SCAPER: variants seen among roughly 807,000 people sequenced by gnomAD.
SCAPER encodes the protein S phase cyclin A-associated protein in the endoplasmic reticulum.
Under a neutral mutation model 182.2 loss-of-function variants are expected in SCAPER, and 98 were observed. The ratio of observed to expected loss-of-function variants is 0.54; its 90% CI spans 0.46 to 0.64. SCAPER has a LOEUF of 0.64. Ranked by LOEUF, SCAPER falls within the 30% of genes least tolerant of loss-of-function variation. SCAPER has a pLI of 0.00. For missense variants in SCAPER, 1,432 were observed against 1,690.0 expected (o/e 0.85, Z 2.68); for synonymous variants, 605 against 564.6 (o/e 1.07, Z -1.01).
At chr15:76,691,009 A>T (rs2058325088) in intron 20 of SCAPER, among the ~76,000 whole-genome samples, 1 of 152,130 alleles carries the variant, frequency 6.6e-6, no homozygotes, top group African/African-American at 2.4e-5. Context: ...TCTTGTTTTC[A>T]CTACTCCTTT....
At chr15:76,419,167 A>G (rs577341033) in intron 26 of SCAPER, among the ~76,000 whole-genome samples, 3 of 152,158 alleles carry the variant, frequency 2.0e-5, no homozygotes, top group African/African-American at 7.2e-5. Flanking sequence ...CCATGCTACT[A>G]AGTCCACTCA....
intron 8 of SCAPER, among the ~76,000 whole-genome samples, chr15:76,777,549 G>GC (rs5813849): frequency 0.82 from 124,050 of 151,736 alleles, 51,462 homozygotes; most frequent in Middle Eastern, 0.91. Context: ...AAAAAAATTA[G>GC]CAGACATGGT....
intron 22 of SCAPER, among the ~76,000 whole-genome samples, chr15:76,610,973 C>A (rs2050924680): frequency 6.6e-6 from 1 of 151,882 alleles, no homozygotes. Flanking sequence ...CAATCTTGAG[C>A]AAAAAGAACA....
At chr15:76,702,783 A>G (rs895815823) in intron 19 of SCAPER, 67 bp downstream of exon 19, 4 of 1,535,792 alleles carry the variant, frequency 2.6e-6, no homozygotes, top group African/African-American at 1.4e-5. Context: ...CTGCAAGAAT[A>G]TATTTCCATG....
intron 24 of SCAPER, among the ~76,000 whole-genome samples, chr15:76,492,499 G>A (rs960632019): frequency 1.3e-5 from 2 of 152,014 alleles, no homozygotes; most frequent in Admixed American, 6.6e-5. Flanking sequence ...TAAATGTATA[G>A]TACTCATCAG....
intron 2 of SCAPER, among the ~76,000 whole-genome samples, chr15:76,875,929 G>A (rs561145240): frequency 6.6e-6 from 1 of 152,168 alleles, no homozygotes; most frequent in South Asian, 2.1e-4. Context: ...GTGGGGGGCG[G>A]GGTCAGGCTC....
chr15:76,585,237 C>T (rs2048554154), intron 22 of SCAPER, among the ~76,000 whole-genome samples: 1 of 152,038 alleles, frequency 6.6e-6, no homozygotes, highest in South Asian at 2.1e-4. Context: ...TGACACCACA[C>T]ACTAAAGTAG....
chr15:76,865,467 GAA>G (rs1420596450), intron 2 of SCAPER, among the ~76,000 whole-genome samples: 1 of 152,074 alleles, frequency 6.6e-6, no homozygotes, highest in African/African-American at 2.4e-5. Context: ...AGAATGATGA[GAA>G]AAATGGGGAT....
intron 24 of SCAPER, among the ~76,000 whole-genome samples, chr15:76,474,030 C>T (rs923348919): frequency 2.0e-5 from 3 of 151,992 alleles, no homozygotes; most frequent in Non-Finnish European, 2.9e-5. Flanking sequence ...AGGCTGGTCT[C>T]GAATTCCTGG....
At chr15:76,874,964 C>T (rs1036693300) in intron 2 of SCAPER, among the ~76,000 whole-genome samples, 2 of 151,916 alleles carry the variant, frequency 1.3e-5, no homozygotes, top group African/African-American at 4.8e-5. Flanking sequence ...TGAGACTCTG[C>T]CTCTCAAAAA....
At chr15:76,766,742 A>G (rs1236366138) in intron 11 of SCAPER, among the ~76,000 whole-genome samples, 176 bp downstream of exon 11, 3 of 152,224 alleles carry the variant, frequency 2.0e-5, no homozygotes, top group East Asian at 1.9e-4. Flanking sequence ...AAGATTTGCT[A>G]TTGTTTATTG....
At chr15:76,428,797 A>T (rs2046619503) in intron 26 of SCAPER, among the ~76,000 whole-genome samples, 1 of 148,714 alleles carries the variant, frequency 6.7e-6, no homozygotes, top group Non-Finnish European at 1.5e-5. Flanking sequence ...AGGCTTCTGA[A>T]TGTTCTTACC....
chr15:76,484,841 T>C (rs1216560023), intron 24 of SCAPER, among the ~76,000 whole-genome samples: 2 of 142,058 alleles, frequency 1.4e-5, no homozygotes, highest in Non-Finnish European at 3.0e-5. Context: ...AAAAGGCTTT[T>C]GATAAAGTTC....
intron 15 of SCAPER, among the ~76,000 whole-genome samples, chr15:76,747,454 A>G (rs1490537949): frequency 6.6e-6 from 1 of 152,054 alleles, no homozygotes; most frequent in East Asian, 1.9e-4. Flanking sequence ...GTGAGCCAAG[A>G]CCACACCACT....
chr15:76,514,121 A>G (rs925252681), intron 23 of SCAPER, among the ~76,000 whole-genome samples: 7 of 152,210 alleles, frequency 4.6e-5, no homozygotes, highest in South Asian at 2.1e-4. Flanking sequence ...CATTCTAGAA[A>G]GGTGAATTCC....
intron 25 of SCAPER, among the ~76,000 whole-genome samples, chr15:76,464,007 C>CTTTTTTTT (rs10630336): frequency 1.5e-4 from 18 of 120,342 alleles, no homozygotes; most frequent in East Asian, 2.5e-4. Context: ...TTTCACTGGT[C>CTTTTTTTT]TTTTTTTTTT....
chr15:76,355,259 C>T (rs893984284), intron 29 of SCAPER, among the ~76,000 whole-genome samples: 14 of 152,160 alleles, frequency 9.2e-5, no homozygotes, highest in Non-Finnish European at 1.5e-4. Flanking sequence ...CACATATTTT[C>T]GTTCAATAGC....
chr15:76,675,352 C>T (rs911784274), intron 20 of SCAPER, among the ~76,000 whole-genome samples: 2 of 152,166 alleles, frequency 1.3e-5, no homozygotes, highest in Admixed American at 6.5e-5. Flanking sequence ...AAAGCATATA[C>T]TGTACTGCAA....
At chr15:76,431,706 G>GAAAAAAAAAA (rs2046883250) in intron 26 of SCAPER, among the ~76,000 whole-genome samples, 1 of 46,018 alleles carries the variant, frequency 2.2e-5, no homozygotes, top group African/African-American at 9.7e-5. Context: ...AAAAAAAAAT[G>GAAAAAAAAAA]CTTTGTTTGC....
Sources: allele counts gnomAD v4.1 joint callset (sites outside exome capture counted in the v4.1 genomes callset), GRCh38; gene constraint gnomAD v4.1.1; transcripts MANE v1.5; gene names NCBI Gene and HGNC (gene_info 2026-07-23, HGNC 2026-07-21).